Variants in ZDHHC23 observed in about 807,000 individuals in gnomAD.
ZDHHC23 encodes palmitoyltransferase ZDHHC23.
ZDHHC23 carries 41 observed loss-of-function variants against 40.2 expected under a neutral mutation model. The ratio of observed to expected loss-of-function variants is 1.02; its 90% CI spans 0.79 to 1.32. The LOEUF is 1.32. Among genes scored for constraint, ZDHHC23 ranks in the 40% most tolerant of loss-of-function variants. The pLI is 0.00. For missense variants in ZDHHC23, 471 were observed against 541.5 expected (o/e 0.87, Z 1.29); for synonymous variants, 204 against 210.2 (o/e 0.97, Z 0.26).
rs538967179 is a variant in ZDHHC23, at chr3:113,960,020, C to T, written c.*1390C>T. 419 of 992,110 alleles carry T rather than the reference C, an allele frequency of 4.2e-4. No homozygotes were observed. The highest frequency in any genetic ancestry group is 4.9e-4 in the Non-Finnish European group (410 of 833,254). 61.5% of individuals were successfully genotyped at this position (992,110 alleles called of 1,614,324 possible). A position where few individuals can be genotyped will look rare whatever the true frequency, so the allele number is the denominator to read the frequency against. ...ACCCTTTTGAAATGTTAGTTTTGAA[C>T]ATGTACTGTTGTGCAATCCCAAAGA... On this transcript the variant is annotated 3_prime_UTR_variant, in exon 5 of 5. Coordinates refer to ENST00000638807, the MANE Select transcript of ZDHHC23 (RefSeq NM_001320466.2).
intron 2 of ZDHHC23, among the ~76,000 whole-genome samples, chr3:113,951,745 C>G (rs1938687598): frequency 6.6e-6 from 1 of 152,212 alleles, no homozygotes; most frequent in Non-Finnish European, 1.5e-5. Context: ...TTGCTGTTCT[C>G]TCCCAAACAT....
chr3:113,954,283 C>T lies in ZDHHC23; in HGVS notation c.745C>T (p.Pro249Ser), dbSNP rs768132372. The T allele has an allele frequency of 1.1e-5, 18 of 1,614,094 alleles. No individual in the cohort carries two copies. Among genetic ancestry groups the T allele is most frequent in the Admixed American group, 5.0e-5 (3 of 60,026 alleles). The change falls in exon 3 of 5, where the codon CCA becomes TCA. Residue 249 changes from proline to serine, a missense_variant. Physicochemically the swap from Pro to Ser is moderately conservative, Grantham distance 74. Around this residue, in one of 3 missense-constraint regions of ZDHHC23, gnomAD observed 346 missense variants for 399.8 expected, o/e 0.87. Transcript: ENST00000638807. ...KDDPKGSSKMPAGSPTKAKED... is the reference protein window; with the variant it reads ...KDDPKGSSKMSAGSPTKAKED... ...TGACCCCAAGGGCTCTTCCAAGATG[C>T]CAGCTGGAAGCCCCACCAAAGCGAA...
At chr3:113,957,477 A>C (rs1939341632) in intron 4 of ZDHHC23, 1 of 355,962 alleles carries the variant, frequency 2.8e-6, no homozygotes, top group Non-Finnish European at 5.5e-6. Flanking sequence ...TTCTCTGCTA[A>C]CGCTGCAGGT....
rs760051161 is a variant in ZDHHC23, at chr3:113,956,473, T to G, written c.1007T>G (p.Leu336Arg). ...AGAGACAGAAGTGTCTTCACAGCTCTTTTCTATTGTCCTGGAGTTTATGCA... is the reference window on the plus strand; with the variant it reads ...AGAGACAGAAGTGTCTTCACAGCTCGTTTCTATTGTCCTGGAGTTTATGCA... ...ICRDRSVFTA[L>R]FYCPGVYANY... Residue 336 changes from leucine (L) to arginine (R), a missense_variant, in exon 4 of 5, where the codon CTT becomes CGT. Leu to Arg is a moderately radical substitution (Grantham distance 102, BLOSUM62 -2). Coordinates refer to ENST00000638807, the MANE Select transcript of ZDHHC23 (RefSeq NM_001320466.2). 6.2e-7 allele frequency: 1 copy of G among 1,614,092 alleles called. No homozygotes were observed. Among genetic ancestry groups the G allele is most frequent in the East Asian group, 2.2e-5 (1 of 44,878 alleles).
At chr3:113,975,832 G>A in the ZDHHC23 span, among the ~76,000 whole-genome samples, 5 of 152,204 alleles carry the variant, frequency 3.3e-5, no homozygotes, top group African/African-American at 1.2e-4. Flanking sequence ...AGTGGGAAGA[G>A]ATGAAATCAC....
At chr3:113,948,211 A>T (rs1022227397) in intron 1 of ZDHHC23, 21 bp downstream of exon 1, 1 of 152,614 alleles carries the variant, frequency 6.6e-6, no homozygotes, top group Non-Finnish European at 1.5e-5. Flanking sequence ...TTCCAAGGTC[A>T]TTCTCCTGGC....
chr3:113,953,492 A>C (rs77179871), intron 2 of ZDHHC23, among the ~76,000 whole-genome samples: 2,437 of 152,326 alleles, frequency 0.016, 76 homozygotes, highest in African/African-American at 0.055. Context: ...GGGGAGAAAT[A>C]ATCTTGACTT....
At chr3:113,975,380 A>AT in the ZDHHC23 span, among the ~76,000 whole-genome samples, 10 of 152,218 alleles carry the variant, frequency 6.6e-5, no homozygotes, top group African/African-American at 2.4e-4. Flanking sequence ...TTTCATTCAT[A>AT]TAAAATTGAA....
At chr3:113,968,051 T>A (rs1021875623), downstream of ZDHHC23, among the ~76,000 whole-genome samples, 17 of 152,248 alleles carry the variant, frequency 1.1e-4, no homozygotes, top group African/African-American at 4.1e-4. Context: ...GTGCTCAGGT[T>A]GATTCCATAT....
chr3:113,956,940 C>T (rs1939282289), intron 4 of ZDHHC23, among the ~76,000 whole-genome samples: 1 of 152,226 alleles, frequency 6.6e-6, no homozygotes, highest in African/African-American at 2.4e-5. Context: ...TTTACTGCTT[C>T]CGACCCTTTT....
chr3:113,970,742 G>A, the ZDHHC23 span, among the ~76,000 whole-genome samples: 3,502 of 148,482 alleles, frequency 0.024, 145 homozygotes, highest in African/African-American at 0.081. Context: ...AGCAGACCCC[G>A]GTGTGTGATG....
At chr3:113,973,588 G>T in the ZDHHC23 span, among the ~76,000 whole-genome samples, 1 of 145,456 alleles carries the variant, frequency 6.9e-6, no homozygotes, top group East Asian at 2.0e-4. Context: ...AGTATTCTTG[G>T]ATGGCAGGTT....
chr3:113,954,358 C>T lies in ZDHHC23; in HGVS notation c.820C>T (p.His274Tyr). ...CQLVRPARAW[H>Y]CRICGICVRR... ...GCTGGTGCGACCAGCCCGGGCATGG[C>T]ACTGCCGGATATGTGGCATCTGTGT... Residue 274 changes from histidine (H) to tyrosine (Y), a missense_variant, in exon 3 of 5, where the codon CAC becomes TAC. Transcript: ENST00000638807. 4 of 1,612,308 alleles carry T rather than the reference C, an allele frequency of 2.5e-6. No homozygotes were observed. The highest frequency in any genetic ancestry group is 3.4e-6 in the Non-Finnish European group (4 of 1,178,972).
At chr3:113,969,366 G>A (rs1940566368), downstream of ZDHHC23, among the ~76,000 whole-genome samples, 1 of 152,140 alleles carries the variant, frequency 6.6e-6, no homozygotes, top group Non-Finnish European at 1.5e-5. Context: ...AATCCCAGTT[G>A]TCTATTTTTG....
rs751793256 is a variant in ZDHHC23 at position 113,954,340 on chromosome 3, C to T, written c.802C>T (p.Arg268Ter). The T allele has an allele frequency of 5.0e-6, 8 of 1,613,558 alleles. No individual in the cohort carries two copies. The highest frequency in any genetic ancestry group is 2.7e-5 in the African/African-American group (2 of 74,898). Residue 268 changes from arginine (R) to a stop codon, truncating the protein, a stop_gained, in exon 3 of 5, where the codon CGA becomes TGA. Transcript: ENST00000638807. LOFTEE classifies it high-confidence loss of function. ...EDWCAKCQLV[R>*]PARAWHCRIC... ...CTGGTGTGCCAAGTGCCAGCTGGTG[C>T]GACCAGCCCGGGCATGGCACTGCCG...
intron 2 of ZDHHC23, among the ~76,000 whole-genome samples, chr3:113,951,490 C>G (rs1938655781): frequency 6.6e-6 from 1 of 152,310 alleles, no homozygotes; most frequent in Admixed American, 6.5e-5. Context: ...TGGAGCCACA[C>G]CTGGAGCTGC....
At chr3:113,948,426 G>A (rs570748883) in intron 1 of ZDHHC23, 3 of 222,838 alleles carry the variant, frequency 1.3e-5, no homozygotes, top group East Asian at 2.0e-4. Context: ...CAGGCTTGGA[G>A]CGGAGACCGC....
At chr3:113,965,356 C>A (rs1461680713), downstream of ZDHHC23, 2 of 1,563,586 alleles carry the variant, frequency 1.3e-6, no homozygotes, top group Admixed American at 2.0e-5. Context: ...TCCAGAGGAT[C>A]CTCCTTTAAG....
At chr3:113,974,654 C>T in the ZDHHC23 span, among the ~76,000 whole-genome samples, 2 of 152,102 alleles carry the variant, frequency 1.3e-5, no homozygotes, top group East Asian at 3.8e-4. Context: ...TATGTCTATG[C>T]CTTTGCACTG....
Sources: allele counts gnomAD v4.1 joint callset (sites outside exome capture counted in the v4.1 genomes callset), GRCh38; gene constraint gnomAD v4.1.1; regional missense constraint gnomAD v4.1.1; transcripts MANE v1.5; gene names NCBI Gene and HGNC (gene_info 2026-07-23, HGNC 2026-07-21).